The following TNK2 variants were observed in gnomAD, a reference collection of about 807,000 sequenced individuals.
TNK2 encodes activated CDC42 kinase 1.
Under a neutral mutation model 101.8 loss-of-function variants are expected in TNK2, and 83 were observed. The observed-to-expected ratio is 0.82, with a 90% CI of 0.68 to 0.98. The LOEUF (loss-of-function observed/expected upper bound fraction) is 0.98. TNK2 is among the 50% of genes least tolerant of loss of function. TNK2 has a pLI of 0.00. For missense variants in TNK2, 1,665 were observed against 1,483.2 expected, an observed-to-expected ratio of 1.12 and a Z score of -2.01; for synonymous variants, 804 against 633.0, an observed-to-expected ratio of 1.27 and a Z score of -4.06.
Position 195,892,456 on chromosome 3 carries a change from C to T in TNK2, c.-18-3850G>A, listed in dbSNP as rs779322155. 7.8e-6 allele frequency: 12 copies of T among 1,535,476 alleles called. No homozygotes were observed. In the African/African-American group the frequency reaches 1.1e-4, roughly 14 times the overall value. On this transcript the variant is annotated intron_variant, in intron 1 of 15. Transcript: ENST00000672887. ...GTCTGGCCAGGAGAGGGAAGGAGAG[C>T]TCCAGGCCAGGGAACCGACGTGCTG...
At position 195,868,707 on chromosome 3, in the gene TNK2, G is replaced by C. The variant is rs764647043; in HGVS notation, c.1591C>G (p.Pro531Ala). 1 of 1,560,480 alleles carries C rather than the reference G, an allele frequency of 6.4e-7. No homozygotes were observed. The highest frequency in any genetic ancestry group is 1.1e-5 in the South Asian group (1 of 87,448). ...TCCTCGCTCACAGGGTCATAGGTTGGTTCTGTGATGGAAAGGGAGAGCCCA... is the reference window on the plus strand; with the variant it reads ...TCCTCGCTCACAGGGTCATAGGTTGCTTCTGTGATGGAAAGGGAGAGCCCA... Reference protein sequence around the residue: ...PPQPAFFTQKPTYDPVSEDQD... With the variant: ...PPQPAFFTQKATYDPVSEDQD... The change falls in exon 13 of 16, where the codon CCA (proline) becomes GCA (alanine). Residue 531 changes from proline (P) to alanine (A), a missense_variant and splice_region_variant. By Grantham distance (27) the Pro-to-Ala change is conservative. Transcript: ENST00000672887.
intron 15 of TNK2, among the ~76,000 whole-genome samples, chr3:195,865,632 C>T (rs1740255424): frequency 6.7e-6 from 1 of 149,878 alleles, no homozygotes; most frequent in Admixed American, 6.6e-5. Context: ...CAGTAAGAAC[C>T]ACCCGAGACA....
Position 195,888,653 on chromosome 3 carries a change from CA to C in TNK2, c.-18-48del. On this transcript the variant is annotated intron_variant, in intron 1 of 15. Transcript: ENST00000672887. The surrounding 1 kb of genome is among the most constrained non-coding windows in gnomAD (Gnocchi z 5.3). ...AGGGACAAGGGTTGTGGGGGGACAA[CA>C]GGGGCCTGCCCGAGTGACCTGGGCT... The C allele has an allele frequency of 2.6e-6, 4 of 1,543,736 alleles. No individual in the cohort carries two copies. The highest frequency in any genetic ancestry group is 2.6e-6 in the Non-Finnish European group (3 of 1,141,976).
At chr3:195,875,870 C>A (rs1353332857) in intron 9 of TNK2, among the ~76,000 whole-genome samples, 2 of 152,222 alleles carry the variant, frequency 1.3e-5, no homozygotes, top group East Asian at 3.8e-4. Context: ...GAGGCCGGTG[C>A]TGAGAACTGC....
chr3:195,867,573 G>A lies in TNK2; in HGVS notation c.2725C>T (p.Leu909=), dbSNP rs774724895. The A allele has an allele frequency of 6.3e-7, 1 of 1,578,790 alleles. No homozygotes were observed. The highest frequency in any genetic ancestry group is 2.2e-5 in the East Asian group (1 of 44,524). Residue 909 remains leucine (L), a synonymous_variant, in exon 13 of 16, where the codon CTG becomes TTG. Transcript: ENST00000672887. ...GGGGCTGGGGTGCTGGGTGGGGGCAGCAGCAGAGGCACAGGCAGGGGGGTA... is the reference window on the plus strand; with the variant it reads ...GGGGCTGGGGTGCTGGGTGGGGGCAACAGCAGAGGCACAGGCAGGGGGGTA... The part of the protein sequence containing the change: ...EPTPLPVPLL[L]PPPSTPAPAA...
At chr3:195,864,853 A>G (rs1305893768) in intron 15 of TNK2, among the ~76,000 whole-genome samples, 1 of 139,080 alleles carries the variant, frequency 7.2e-6, no homozygotes, top group Non-Finnish European at 1.6e-5. Flanking sequence ...GAAACACCCG[A>G]GACAGTGACA....
intron 9 of TNK2, chr3:195,876,749 CG>C: frequency 4.7e-6 from 2 of 423,008 alleles, no homozygotes; most frequent in Non-Finnish European, 9.5e-6. Context: ...GGGCCTTCGA[CG>C]GAAGGGCGGG....
At chr3:195,887,788 T>C (rs1222928968) in intron 2 of TNK2, among the ~76,000 whole-genome samples, 1 of 151,002 alleles carries the variant, frequency 6.6e-6, no homozygotes, top group Non-Finnish European at 1.5e-5. Flanking sequence ...CGCGCGTGTG[T>C]GTACATGTGT....
intron 9 of TNK2, among the ~76,000 whole-genome samples, chr3:195,873,211 T>C (rs978179826): frequency 6.6e-6 from 1 of 152,034 alleles, no homozygotes; most frequent in African/African-American, 2.4e-5. Flanking sequence ...GGGCTGCCAG[T>C]CCCCCTCTGA....
intron 9 of TNK2, among the ~76,000 whole-genome samples, chr3:195,875,572 C>G (rs1000157355): frequency 2.6e-5 from 4 of 152,158 alleles, no homozygotes; most frequent in Non-Finnish European, 4.4e-5. Flanking sequence ...CACACGCACC[C>G]GTGTGAGGCT....
rs1162836635 is a variant in TNK2, at chr3:195,864,133, G to A, written c.*48C>T. On this transcript the variant is annotated 3_prime_UTR_variant, in exon 16 of 16. Transcript: ENST00000672887. ...TCTCCCCACTCCTGGTGGACGGACA[G>A]GCTCAGGTGATTCCTTCAGGCAGGC... The A allele has an allele frequency of 6.2e-7, 1 of 1,613,588 alleles. No individual in the cohort carries two copies. Among genetic ancestry groups the A allele is most frequent in the African/African-American group, 1.3e-5 (1 of 75,036 alleles).
At chr3:195,884,664 A>C in intron 4 of TNK2, 148 bp downstream of exon 4, 1 of 685,418 alleles carries the variant, frequency 1.5e-6, no homozygotes, top group Non-Finnish European at 2.3e-6. Flanking sequence ...AAATAAATAA[A>C]ACCCCAAAAA....
At chr3:195,901,152 C>T (rs1425189929) in intron 1 of TNK2, among the ~76,000 whole-genome samples, 1 of 152,190 alleles carries the variant, frequency 6.6e-6, no homozygotes, top group African/African-American at 2.4e-5. Flanking sequence ...AAGACATACA[C>T]CTTAAATCCC....
At position 195,878,557 on chromosome 3, in the gene TNK2, C is replaced by T. The variant is rs1184304707; in HGVS notation, c.1050G>A (p.Leu350=). The T allele has an allele frequency of 1.9e-6, 3 of 1,613,404 alleles. No homozygotes were observed. In the South Asian group the frequency reaches 3.3e-5, roughly 18 times the overall value. ...CCTGGGGACAGTCCTCGGGCCGGGG[C>T]AGCCGCTCCCCCTCCTTGTCGATCT... is the stretch of plus-strand genomic sequence containing the variant. ...LHKIDKEGER[L]PRPEDCPQDI... Residue 350 remains leucine, a synonymous_variant, in exon 8 of 16, where the codon CTG becomes CTA. Coordinates refer to ENST00000672887, the MANE Select transcript of TNK2 (RefSeq NM_001382273.1). This position sits in a 1 kb window ranked among gnomAD's most constrained non-coding sequence, Gnocchi z 4.7.
At chr3:195,869,331 T>A in intron 12 of TNK2, 166 bp downstream of exon 12, 1 of 731,564 alleles carries the variant, frequency 1.4e-6, no homozygotes, top group Non-Finnish European at 2.3e-6. Context: ...GGGGGCGGGC[T>A]CGAGGGGGGG....
intron 1 of TNK2, among the ~76,000 whole-genome samples, chr3:195,899,422 G>T (rs1313937487): frequency 6.6e-6 from 1 of 152,070 alleles, no homozygotes; most frequent in Non-Finnish European, 1.5e-5. Context: ...TGCCTCCCGG[G>T]TTTAAGCGAT....
At chr3:195,889,291 G>GAC (rs1757412009) in intron 1 of TNK2, among the ~76,000 whole-genome samples, 2 of 152,178 alleles carry the variant, frequency 1.3e-5, no homozygotes, top group African/African-American at 4.8e-5. Context: ...AGAAGAAACT[G>GAC]TGGCCCAGTG....
chr3:195,892,207 C>T (rs1758780319), intron 1 of TNK2, among the ~76,000 whole-genome samples: 1 of 152,218 alleles, frequency 6.6e-6, no homozygotes, highest in African/African-American at 2.4e-5. Flanking sequence ...TCCGTCACTA[C>T]TCTGTGGCCG....
chr3:195,899,952 G>A (rs1362407811), intron 1 of TNK2, among the ~76,000 whole-genome samples: 3 of 152,116 alleles, frequency 2.0e-5, no homozygotes, highest in African/African-American at 4.8e-5. Context: ...CCCTCTCCCA[G>A]CCCCGGCTTT....
Sources: allele counts gnomAD v4.1 joint callset (sites outside exome capture counted in the v4.1 genomes callset), GRCh38; gene constraint gnomAD v4.1.1; non-coding constraint Gnocchi (gnomAD v3.1); transcripts MANE v1.5; gene names NCBI Gene and HGNC (gene_info 2026-07-23, HGNC 2026-07-21).